Variants in ERICH6B observed in about 807,000 individuals in gnomAD.
The protein encoded by ERICH6B is glutamate rich 6B.
ERICH6B carries 69 observed loss-of-function variants against 80.0 expected under a neutral mutation model. The observed-to-expected ratio is 0.86, with a 90% CI of 0.71 to 1.05. The LOEUF is 1.05. Among genes scored for constraint, ERICH6B ranks in the 50% least tolerant of loss-of-function variants. The pLI, the probability that ERICH6B is intolerant of heterozygous loss-of-function variation, is 0.00. For missense variants in ERICH6B, 754 were observed against 796.1 expected (o/e 0.95, Z 0.64); for synonymous variants, 283 against 291.9 (o/e 0.97, Z 0.31).
In ERICH6B at chr13:45,544,850, G is replaced by T; in HGVS notation, c.1782C>A (p.Ile594=). ...TATCCTGGCTCCTTATTTGTACCTG[G>T]ATGTACTCATTGATTTTCAAGGAGA... The part of the protein sequence containing the change: ...QPISLKINEY[I]QVQIRSQDKI... Residue 594 remains isoleucine (I), a synonymous_variant, in exon 14 of 15, where the codon ATC becomes ATA. Transcript: ENST00000298738. The T allele has an allele frequency of 6.4e-7, 1 of 1,551,720 alleles. No individual in the cohort carries two copies. Among genetic ancestry groups the T allele is most frequent in the Non-Finnish European group, 8.7e-7 (1 of 1,147,000 alleles).
At chr13:45,547,421 A>G (rs1234513502) in intron 13 of ERICH6B, among the ~76,000 whole-genome samples, 1 of 152,144 alleles carries the variant, frequency 6.6e-6, no homozygotes. Flanking sequence ...CCCCTCACTC[A>G]AGCTCTGGCT....
Position 45,550,056 on chromosome 13 carries a change from G to A in ERICH6B, c.1494-11C>T. ...TTTCCTGATGGATAACTGGGAGAAGGTTAAGGCACAAGTAGTCAGTCCTTG... is the reference window on the plus strand; with the variant it reads ...TTTCCTGATGGATAACTGGGAGAAGATTAAGGCACAAGTAGTCAGTCCTTG... On this transcript the variant is annotated splice_polypyrimidine_tract_variant and intron_variant, in intron 12 of 14. Transcript: ENST00000298738. The A allele has an allele frequency of 6.4e-7, 1 of 1,551,388 alleles. No homozygotes were observed. The highest frequency in any genetic ancestry group is 8.7e-7 in the Non-Finnish European group (1 of 1,147,038).
At chr13:45,562,512 C>T (rs202100286) in intron 10 of ERICH6B, among the ~76,000 whole-genome samples, 1 of 152,242 alleles carries the variant, frequency 6.6e-6, no homozygotes, top group Middle Eastern at 3.4e-3. Context: ...AGCTGAGTGG[C>T]TGGAGCCATG....
intron 2 of ERICH6B, among the ~76,000 whole-genome samples, chr13:45,597,816 G>A (rs780888983): frequency 6.6e-6 from 1 of 152,134 alleles, no homozygotes; most frequent in African/African-American, 2.4e-5. Flanking sequence ...AAAGATGGGT[G>A]GGGTCAGTGT....
chr13:45,561,594 G>A, intron 10 of ERICH6B, 68 bp from the exon 11 acceptor site: 1 of 1,515,746 alleles, frequency 6.6e-7, no homozygotes, highest in Non-Finnish European at 8.9e-7. Context: ...ACTTAGATCT[G>A]TCTCTCTCAA....
chr13:45,610,430 G>A (rs1022916945), intron 1 of ERICH6B, among the ~76,000 whole-genome samples: 1 of 152,070 alleles, frequency 6.6e-6, no homozygotes, highest in Non-Finnish European at 1.5e-5. Flanking sequence ...AAATGCTCAG[G>A]GAGATTGATT....
chr13:45,601,498 G>A (rs1333114552), intron 2 of ERICH6B, among the ~76,000 whole-genome samples: 3 of 152,166 alleles, frequency 2.0e-5, no homozygotes, highest in African/African-American at 4.8e-5. Flanking sequence ...AGCACACACA[G>A]GCACTGGCCA....
chr13:45,602,033 G>A (rs978323041), intron 2 of ERICH6B, among the ~76,000 whole-genome samples: 3 of 152,222 alleles, frequency 2.0e-5, no homozygotes, highest in Non-Finnish European at 4.4e-5. Flanking sequence ...GGGTCCTTCT[G>A]AGGCCTTAAT....
chr13:45,582,336 A>G (rs2138003618), intron 5 of ERICH6B, among the ~76,000 whole-genome samples: 1 of 152,324 alleles, frequency 6.6e-6, no homozygotes, highest in Middle Eastern at 3.4e-3. Context: ...CTTTTCTGGC[A>G]GTGACATCAA....
intron 7 of ERICH6B, among the ~76,000 whole-genome samples, chr13:45,578,050 T>C (rs1875495739): frequency 6.6e-6 from 1 of 152,234 alleles, no homozygotes; most frequent in Non-Finnish European, 1.5e-5. Context: ...TTTTCCTAGG[T>C]CCATCTGTGC....
chr13:45,597,786 T>C (rs1876464844), intron 2 of ERICH6B, among the ~76,000 whole-genome samples: 1 of 152,242 alleles, frequency 6.6e-6, no homozygotes, highest in South Asian at 2.1e-4. Context: ...CGTTTGTTCT[T>C]CCAACAGTAT....
rs373837604 is a variant in ERICH6B at position 45,575,021 on chromosome 13, T to C, written c.962-91A>G. 140 of 822,274 alleles carry C rather than the reference T, an allele frequency of 1.7e-4. 1 individual carries two copies. The East Asian group carries it at 2.4e-3, about 14-fold the overall frequency. 50.9% of individuals were successfully genotyped at this position (822,274 alleles called of 1,614,324 possible). A position where few individuals can be genotyped will look rare whatever the true frequency, so the allele number is the denominator to read the frequency against. The stretch of plus-strand genomic sequence containing the variant: ...TTTAAAAAGAATAGAAATAGATTGA[T>C]GGTATTTACCTTTGCCCTTCCAAAA... On this transcript the variant is annotated intron_variant, in intron 7 of 14. Transcript: ENST00000298738.
intron 14 of ERICH6B, 71 bp from the exon 15 acceptor site, chr13:45,541,751 A>C (rs1387835137): frequency 1.4e-6 from 2 of 1,421,510 alleles, no homozygotes; most frequent in Non-Finnish European, 1.9e-6. Context: ...CCCAGGCCAG[A>C]TCTCCTGTGG....
chr13:45,608,031 G>A (rs1227872786), intron 1 of ERICH6B, among the ~76,000 whole-genome samples: 3 of 152,150 alleles, frequency 2.0e-5, no homozygotes. Flanking sequence ...TTGCAAAGCT[G>A]GGCATGTGGC....
chr13:45,596,088 G>T (rs1173221320), intron 3 of ERICH6B, among the ~76,000 whole-genome samples: 1 of 152,214 alleles, frequency 6.6e-6, no homozygotes, highest in Non-Finnish European at 1.5e-5. Context: ...TGGGTGCAGT[G>T]CTTTGGGGCA....
intron 4 of ERICH6B, among the ~76,000 whole-genome samples, chr13:45,588,189 G>A (rs1393139562): frequency 8.5e-5 from 13 of 152,212 alleles, no homozygotes; most frequent in African/African-American, 3.1e-4. Context: ...AGGCAAAGAG[G>A]TGAAGGGAGA....
chr13:45,565,139 T>A (rs929564666), intron 9 of ERICH6B, among the ~76,000 whole-genome samples: 1 of 152,162 alleles, frequency 6.6e-6, no homozygotes, highest in Admixed American at 6.5e-5. Context: ...TGGTGTTTTT[T>A]TTTTGCTGAT....
chr13:45,567,426 G>A (rs1420271277), intron 9 of ERICH6B, among the ~76,000 whole-genome samples: 1 of 152,178 alleles, frequency 6.6e-6, no homozygotes, highest in Non-Finnish European at 1.5e-5. Context: ...CCCACGTGTT[G>A]TGAGAGGGAC....
chr13:45,542,782 A>C (rs1415103226), intron 14 of ERICH6B, among the ~76,000 whole-genome samples: 5 of 152,108 alleles, frequency 3.3e-5, no homozygotes, highest in African/African-American at 4.8e-5. Flanking sequence ...GTCATTATTC[A>C]CCTGCAAAAT....
Sources: gnomAD v4.1 joint callset for allele counts (sites outside exome capture counted in the v4.1 genomes callset) on GRCh38, gnomAD v4.1.1 for gene constraint, MANE v1.5 for transcripts, NCBI Gene and HGNC (gene_info 2026-07-23, HGNC 2026-07-21) for gene names.